Variants in AFG1L observed in about 807,000 individuals in gnomAD.
The protein encoded by AFG1L is AFG1-like ATPase.
AFG1L carries 53 observed loss-of-function variants against 62.2 expected under a neutral mutation model. That is an observed-to-expected ratio of 0.85 (90% CI 0.68 to 1.07). The LOEUF (loss-of-function observed/expected upper bound fraction) is 1.07, where lower values mean the gene tolerates loss of function less well. AFG1L is among the 50% of genes least tolerant of loss of function. The probability of loss-of-function intolerance (pLI) is 0.00; values close to 1 mark genes in which losing one functional copy is unlikely to be tolerated. For synonymous variants in AFG1L, 228 were observed against 210.3 expected (o/e 1.08, Z -0.73); for missense variants, 555 against 590.5 (o/e 0.94, Z 0.62).
intron 7 of AFG1L, among the ~76,000 whole-genome samples, chr6:108,416,145 T>C (rs1285280343): frequency 1.3e-5 from 2 of 152,190 alleles, no homozygotes; most frequent in African/African-American, 2.4e-5. Context: ...AGAAGACATT[T>C]ATGCAACCAA....
chr6:108,427,436 A>G (rs1770867664), intron 7 of AFG1L, among the ~76,000 whole-genome samples: 1 of 152,082 alleles, frequency 6.6e-6, no homozygotes, highest in South Asian at 2.1e-4. Flanking sequence ...CTTTTAAAGT[A>G]ATGCCTTAAA....
chr6:108,307,391 C>CT (rs1210093310), intron 1 of AFG1L, among the ~76,000 whole-genome samples: 2 of 149,758 alleles, frequency 1.3e-5, no homozygotes, highest in Admixed American at 6.8e-5. Context: ...CTGCTGTTAA[C>CT]TTTAATTTTT....
chr6:108,414,971 A>G (rs554283140), intron 7 of AFG1L, among the ~76,000 whole-genome samples: 1 of 152,318 alleles, frequency 6.6e-6, no homozygotes, highest in South Asian at 2.1e-4. Flanking sequence ...GGAAAAGAGG[A>G]AGTCAAATTG....
intron 10 of AFG1L, among the ~76,000 whole-genome samples, chr6:108,507,845 A>G (rs1487073436): frequency 6.6e-6 from 1 of 152,118 alleles, no homozygotes; most frequent in Admixed American, 6.6e-5. Context: ...TGTTTTCACT[A>G]TTTGGTGATT....
intron 6 of AFG1L, among the ~76,000 whole-genome samples, chr6:108,369,621 T>A (rs1017453098): frequency 6.6e-6 from 1 of 152,070 alleles, no homozygotes; most frequent in Non-Finnish European, 1.5e-5. Context: ...ACAATTTTTT[T>A]TTTTTGGAGA....
At position 108,347,002 on chromosome 6, in the gene AFG1L, CA is replaced by C. The variant is rs756342767; in HGVS notation, c.381del (p.Lys127AsnfsTer19). On this transcript the variant is annotated frameshift_variant, in exon 3 of 13. Coordinates refer to ENST00000368977, the MANE Select transcript of AFG1L (RefSeq NM_145315.5). LOFTEE classifies it high-confidence loss of function. The stretch of plus-strand genomic sequence containing the variant: ...TTAATTTGCAGCTTTTTTCAAGGAG[CA>C]AACCTCCAAGGGGCCTGTATGTTTA... ...GLFSKLFSRS[K>X]PPRGLYVYGD... The C allele has an allele frequency of 2.1e-4, 333 of 1,612,560 alleles. No homozygotes were observed. In the African/African-American group the frequency reaches 4.2e-3, roughly 20 times the overall value.
intron 11 of AFG1L, among the ~76,000 whole-genome samples, chr6:108,514,310 A>ATT (rs75969089): frequency 0.062 from 9,501 of 152,272 alleles, 405 homozygotes; most frequent in Admixed American, 0.11. Context: ...CTTGGCAGAA[A>ATT]CTACAAGCCA....
chr6:108,385,483 A>T (rs1458835721), intron 6 of AFG1L, among the ~76,000 whole-genome samples: 1 of 152,188 alleles, frequency 6.6e-6, no homozygotes, highest in Non-Finnish European at 1.5e-5. Context: ...TTTGTTTCCC[A>T]TAAGGAATAC....
intron 3 of AFG1L, among the ~76,000 whole-genome samples, chr6:108,351,705 T>G (rs1364975331): frequency 6.6e-6 from 1 of 152,126 alleles, no homozygotes; most frequent in Non-Finnish European, 1.5e-5. Context: ...TTTTAAAAAA[T>G]GTATTCAATT....
chr6:108,346,762 T>C (rs759299387), intron 2 of AFG1L, among the ~76,000 whole-genome samples: 1 of 152,242 alleles, frequency 6.6e-6, no homozygotes, highest in Non-Finnish European at 1.5e-5. Context: ...TTATGTCACC[T>C]AGCATAATGT....
Position 108,399,289 on chromosome 6 carries a change from G to A in AFG1L, c.749-2707G>A, listed in dbSNP as rs188647004. ...TGCAACCTCCGCCTCCTGGGTTCAA[G>A]CGATTTCCCTGCCTCAGCCTCCTGA... On this transcript the variant is annotated intron_variant, in intron 6 of 12. Transcript: ENST00000368977. Among the ~76,000 whole-genome samples the A allele has an allele frequency of 7.6e-3, 1,077 of 142,362 alleles. 6 individuals carry two copies. Among genetic ancestry groups the A allele is most frequent in the Non-Finnish European group, 0.011 (717 of 66,212 alleles). The allele number at this position is 142,362 out of a possible 152,430, so 93.4% of individuals were successfully genotyped here. A position where few individuals can be genotyped will look rare whatever the true frequency, so the allele number is the denominator to read the frequency against.
intron 1 of AFG1L, among the ~76,000 whole-genome samples, chr6:108,319,349 T>G (rs1562471912): frequency 6.6e-6 from 1 of 152,116 alleles, no homozygotes; most frequent in Non-Finnish European, 1.5e-5. Flanking sequence ...CAAGTTATCC[T>G]CCCACCTTAG....
intron 8 of AFG1L, among the ~76,000 whole-genome samples, chr6:108,476,182 T>C (rs951166888): frequency 6.6e-6 from 1 of 151,938 alleles, no homozygotes. Context: ...CCCTAAACCA[T>C]ATGGTGATTT....
Position 108,356,819 on chromosome 6 carries a change from A to T in AFG1L, c.647A>T (p.Gln216Leu), listed in dbSNP as rs2114462838. ...TGTCTCCTATGTTTTGATGAATTTC[A>T]GGTAAAGTAGAGATTTTTCATAGAT... ...EACLLCFDEF[Q>L]VTDIADAMIL... Residue 216 changes from glutamine to leucine, a missense_variant and splice_region_variant, in exon 5 of 13, where the codon CAG becomes CTG. Gln to Leu is a moderately radical substitution (Grantham distance 113, BLOSUM62 -2). Coordinates refer to ENST00000368977, the MANE Select transcript of AFG1L (RefSeq NM_145315.5). 1 of 1,607,400 alleles carries T rather than the reference A, an allele frequency of 6.2e-7. No homozygotes were observed. The highest frequency in any genetic ancestry group is 8.5e-7 in the Non-Finnish European group (1 of 1,177,808).
At chr6:108,504,506 G>A (rs1343937592) in intron 10 of AFG1L, among the ~76,000 whole-genome samples, 1 of 152,076 alleles carries the variant, frequency 6.6e-6, no homozygotes, top group Non-Finnish European at 1.5e-5. Flanking sequence ...AATTACAACA[G>A]TAACATGGAA....
chr6:108,325,496 T>G (rs1778005829), intron 2 of AFG1L, among the ~76,000 whole-genome samples: 1 of 151,952 alleles, frequency 6.6e-6, no homozygotes, highest in Admixed American at 6.6e-5. Context: ...TATTTATTTA[T>G]TTATTTATAG....
At position 108,422,851 on chromosome 6, in the gene AFG1L, C is replaced by T. The variant is rs565071597; in HGVS notation, c.807+20797C>T. Among the ~76,000 whole-genome samples the T allele has an allele frequency of 6.6e-5, 10 of 152,018 alleles. 1 individual carries two copies. The highest frequency in any genetic ancestry group is 2.2e-4 in the African/African-American group (9 of 41,480). On this transcript the variant is annotated intron_variant, in intron 7 of 12. Coordinates refer to ENST00000368977, the MANE Select transcript of AFG1L (RefSeq NM_145315.5). ...CTGCTTTAGAGTAGTTTTACTATGA[C>T]GTTTTGATTCTGGATAGACTTCTTT... is the stretch of plus-strand genomic sequence containing the variant.
At chr6:108,504,161 C>T (rs1774306614) in intron 10 of AFG1L, among the ~76,000 whole-genome samples, 1 of 152,184 alleles carries the variant, frequency 6.6e-6, no homozygotes. Flanking sequence ...TCCTTCAAGA[C>T]ATTTTCCTTT....
chr6:108,386,361 T>A (rs1414733916), intron 6 of AFG1L, among the ~76,000 whole-genome samples: 1 of 151,592 alleles, frequency 6.6e-6, no homozygotes, highest in Non-Finnish European at 1.5e-5. Context: ...TTTGGGGGGC[T>A]GGGGCAGGAG....
Sources: gnomAD v4.1 joint callset for allele counts (sites outside exome capture counted in the v4.1 genomes callset) on GRCh38, gnomAD v4.1.1 for gene constraint, MANE v1.5 for transcripts, NCBI Gene and HGNC (gene_info 2026-07-23, HGNC 2026-07-21) for gene names.